PTN: variants seen among roughly 807,000 people sequenced by gnomAD.
PTN encodes the protein heparin affin regulatory protein.
Under a neutral mutation model 24.1 loss-of-function variants are expected in PTN, and 18 were observed. The ratio of observed to expected loss-of-function variants is 0.75; its 90% confidence interval spans 0.52 to 1.11. PTN has a LOEUF of 1.11. Ranked by LOEUF, PTN falls within the 50% of genes least tolerant of loss-of-function variation. The pLI, the probability that PTN is intolerant of heterozygous loss-of-function variation, is 0.00. For synonymous variants in PTN, 78 were observed against 68.6 expected (o/e 1.14, Z -0.67); for missense variants, 163 against 198.8 (o/e 0.82, Z 1.08).
intron 1 of PTN, among the ~76,000 whole-genome samples, chr7:137,272,204 G>C (rs1166775491): frequency 1.3e-5 from 2 of 152,176 alleles, no homozygotes; most frequent in Non-Finnish European, 2.9e-5. Flanking sequence ...CTGAGACCAA[G>C]ATGTCTAGAC....
intron 1 of PTN, among the ~76,000 whole-genome samples, chr7:137,317,282 G>A (rs1347715155): frequency 3.3e-5 from 5 of 152,108 alleles, no homozygotes; most frequent in Admixed American, 2.6e-4. Context: ...GGGTACCCTC[G>A]GTGCAGAAAT....
At chr7:137,330,037 A>C (rs1037922355) in intron 1 of PTN, among the ~76,000 whole-genome samples, 14 of 152,242 alleles carry the variant, frequency 9.2e-5, no homozygotes, top group African/African-American at 3.4e-4. Flanking sequence ...CTGTAATCCC[A>C]GCACTTTGGG....
chr7:137,272,998 A>C (rs1257655244), intron 1 of PTN, among the ~76,000 whole-genome samples: 3 of 152,188 alleles, frequency 2.0e-5, no homozygotes, highest in Non-Finnish European at 4.4e-5. Flanking sequence ...TTGGATAATA[A>C]TGTAATTTTC....
chr7:137,258,178 T>A (rs1039970820), intron 1 of PTN, among the ~76,000 whole-genome samples: 2 of 152,156 alleles, frequency 1.3e-5, no homozygotes, highest in Admixed American at 1.3e-4. Flanking sequence ...TCAAATAAAA[T>A]TTTTAGTATA....
At chr7:137,245,707 C>T (rs570854162) in intron 4 of PTN, among the ~76,000 whole-genome samples, 2 of 152,122 alleles carry the variant, frequency 1.3e-5, no homozygotes, top group South Asian at 4.1e-4. Context: ...GTGTTACTGT[C>T]CCTGAAGACC....
At chr7:137,266,494 G>A (rs1809148310) in intron 1 of PTN, among the ~76,000 whole-genome samples, 2 of 140,338 alleles carry the variant, frequency 1.4e-5, no homozygotes, top group East Asian at 2.0e-4. Flanking sequence ...CACGACTTTC[G>A]CAGACAATTC....
At chr7:137,338,392 G>A (rs765619378) in intron 1 of PTN, among the ~76,000 whole-genome samples, 2 of 152,190 alleles carry the variant, frequency 1.3e-5, no homozygotes, top group Non-Finnish European at 2.9e-5. Flanking sequence ...TGGCAAATGT[G>A]AAATGAAAAC....
At chr7:137,267,545 G>A (rs766975651) in intron 1 of PTN, among the ~76,000 whole-genome samples, 15 of 152,092 alleles carry the variant, frequency 9.9e-5, no homozygotes, top group Admixed American at 2.6e-4. Context: ...CTCAAATGCT[G>A]GCCAGTCTAT....
rs368481133 is a variant in PTN at position 137,305,499 on chromosome 7, A to T, written c.-2+37940T>A. 3.9e-5 allele frequency among the ~76,000 whole-genome samples: 6 copies of T among 152,208 alleles called. No homozygotes were observed. In the East Asian group the frequency reaches 1.2e-3, roughly 30 times the overall value. Reference sequence around the variant, plus strand: ...ATAAAGATTGTTCTTGCAGAAAATAAAGTTCCCCTACTTCCTCACTGACAT... The same window carrying T: ...ATAAAGATTGTTCTTGCAGAAAATATAGTTCCCCTACTTCCTCACTGACAT... On this transcript the variant is annotated intron_variant, in intron 1 of 4. Coordinates refer to ENST00000348225, the MANE Select transcript of PTN (RefSeq NM_002825.7).
intron 4 of PTN, among the ~76,000 whole-genome samples, chr7:137,245,170 C>G (rs1363563464): frequency 2.0e-5 from 3 of 152,130 alleles, no homozygotes; most frequent in Non-Finnish European, 2.9e-5. Context: ...AAGAAGTTCT[C>G]TAAAATGAAA....
In PTN at chr7:137,254,962, T is replaced by C; in HGVS notation, c.12A>G (p.Gln4=). Residue 4 remains glutamine (Q), a synonymous_variant, in exon 2 of 5, where the codon CAA becomes CAG. Transcript: ENST00000348225. ...ATTTTCGACGCTGCTGCTGGTACTGTTGAGCCTGCATTCTAGGAATAAACA... is the reference window on the plus strand; with the variant it reads ...ATTTTCGACGCTGCTGCTGGTACTGCTGAGCCTGCATTCTAGGAATAAACA... MQA[Q]QYQQQRRKFA... The C allele has an allele frequency of 1.3e-6, 2 of 1,546,874 alleles. No homozygotes were observed. The highest frequency in any genetic ancestry group is 1.8e-6 in the Non-Finnish European group (2 of 1,131,662).
intron 1 of PTN, among the ~76,000 whole-genome samples, chr7:137,266,669 T>C (rs562666550): frequency 1.4e-4 from 22 of 151,974 alleles, no homozygotes; most frequent in African/African-American, 5.1e-4. Flanking sequence ...TGTTTTTTTT[T>C]TTTTAAAGCG....
In PTN at chr7:137,253,427, TCA is replaced by T. The variant is rs1808863027; in HGVS notation, c.289+35_289+36del. 6 of 1,517,346 alleles carry T rather than the reference TCA, an allele frequency of 4.0e-6. No individual in the cohort carries two copies. In the East Asian group the frequency reaches 1.4e-4, roughly 36 times the overall value. The allele number at this position is 1,517,346 out of a possible 1,614,324, so 94.0% of individuals were successfully genotyped here. ...TTGGTGGAAAAATTTGAGAATTATC[TCA>T]GAGTAGGAGATTAACTCAGTAGCAT... On this transcript the variant is annotated intron_variant, in intron 3 of 4. Coordinates refer to ENST00000348225, the MANE Select transcript of PTN (RefSeq NM_002825.7).
intron 4 of PTN, among the ~76,000 whole-genome samples, chr7:137,247,466 A>G (rs1000259979): frequency 1.3e-5 from 2 of 152,168 alleles, no homozygotes; most frequent in Non-Finnish European, 2.9e-5. Context: ...TCTAAAATCG[A>G]AACAAACTCA....
chr7:137,230,120 C>A (rs1808403044), intron 4 of PTN, among the ~76,000 whole-genome samples: 1 of 151,778 alleles, frequency 6.6e-6, no homozygotes, highest in African/African-American at 2.4e-5. Flanking sequence ...TAAGTCTGAG[C>A]AGATGACATA....
chr7:137,324,542 G>A (rs890186840), intron 1 of PTN, among the ~76,000 whole-genome samples: 4 of 149,592 alleles, frequency 2.7e-5, no homozygotes, highest in Non-Finnish European at 4.4e-5. Context: ...AGATTCTAAA[G>A]AACAGGTAAA....
chr7:137,257,662 T>C (rs1808957969), intron 1 of PTN, among the ~76,000 whole-genome samples: 1 of 152,218 alleles, frequency 6.6e-6, no homozygotes, highest in Non-Finnish European at 1.5e-5. Flanking sequence ...GGGCAAATTA[T>C]TTTTTTGATT....
chr7:137,300,635 A>G lies in PTN; in HGVS notation c.-2+42804T>C, dbSNP rs1809791149. On this transcript the variant is annotated intron_variant, in intron 1 of 4. Coordinates refer to ENST00000348225, the MANE Select transcript of PTN (RefSeq NM_002825.7). ...TATTAGCTAATTTGATAGCAGAGAC[A>G]AAGAGGTGCTTGGAACTGGCAGACT... is the stretch of plus-strand genomic sequence containing the variant. Among the ~76,000 whole-genome samples the G allele has an allele frequency of 1.3e-5, 2 of 151,954 alleles. 1 individual carries two copies. Among genetic ancestry groups the G allele is most frequent in the South Asian group, 4.1e-4 (2 of 4,828 alleles).
intron 1 of PTN, among the ~76,000 whole-genome samples, chr7:137,311,732 C>T (rs1051420396): frequency 3.3e-5 from 5 of 152,112 alleles, no homozygotes; most frequent in Non-Finnish European, 7.3e-5. Flanking sequence ...ATTTTAAGTT[C>T]GCCATCTTAT....
Sources: gnomAD v4.1 joint callset for allele counts (sites outside exome capture counted in the v4.1 genomes callset) on GRCh38, gnomAD v4.1.1 for gene constraint, MANE v1.5 for transcripts, NCBI Gene and HGNC (gene_info 2026-07-23, HGNC 2026-07-21) for gene names.